SIPA1L3: variants seen among roughly 807,000 people sequenced by gnomAD.
The protein encoded by SIPA1L3 is signal-induced proliferation-associated 1-like protein 3.
Under a neutral mutation model 150.1 loss-of-function variants are expected in SIPA1L3, and 59 were observed. The observed-to-expected ratio is 0.39, with a 90% confidence interval of 0.32 to 0.49. The LOEUF (loss-of-function observed/expected upper bound fraction) is 0.49. Among genes scored for constraint, SIPA1L3 ranks in the 20% least tolerant of loss-of-function variants. The probability of loss-of-function intolerance (pLI) is 0.86; values close to 1 mark genes in which losing one functional copy is unlikely to be tolerated. For missense variants in SIPA1L3, 2,211 were observed against 2,489.5 expected (o/e 0.89, Z 2.38); for synonymous variants, 1,070 against 1,077.6 (o/e 0.99, Z 0.14).
At chr19:38,054,488 C>T (rs1969272897) in intron 2 of SIPA1L3, among the ~76,000 whole-genome samples, 3 of 152,186 alleles carry the variant, frequency 2.0e-5, no homozygotes, top group Non-Finnish European at 4.4e-5. Flanking sequence ...TGCCAGTAAT[C>T]CCAGCTACTC....
rs557695860 is a variant in SIPA1L3, at chr19:38,164,046, G to A, written c.3781-433G>A. ...TGACAGGTCCCGGATCTGTGTTGAGGACGCGGGCAGCAGGGTTTGCTAGTG... is the reference window on the plus strand; with the variant it reads ...TGACAGGTCCCGGATCTGTGTTGAGAACGCGGGCAGCAGGGTTTGCTAGTG... On this transcript the variant is annotated intron_variant, in intron 14 of 21. Transcript: ENST00000222345. This position sits in a 1 kb window ranked among gnomAD's most constrained non-coding sequence, Gnocchi z 4.1. 1.2e-4 allele frequency among the ~76,000 whole-genome samples: 18 copies of A among 152,294 alleles called. No individual in the cohort carries two copies. The highest frequency in any genetic ancestry group is 3.3e-4 in the Admixed American group (5 of 15,298).
chr19:37,932,973 G>A (rs1353690237), intron 1 of SIPA1L3, among the ~76,000 whole-genome samples: 2 of 152,148 alleles, frequency 1.3e-5, no homozygotes, highest in Admixed American at 6.5e-5. Context: ...GGCTGGGGGC[G>A]ATCCCAGCCT....
intron 4 of SIPA1L3, 21 bp downstream of exon 4, chr19:38,088,872 T>G (rs1399161663): frequency 6.2e-7 from 1 of 1,611,108 alleles, no homozygotes; most frequent in Admixed American, 1.7e-5. Flanking sequence ...TCACTCTCGT[T>G]CTTATTAAAG....
At chr19:38,019,129 C>T (rs902331392) in intron 1 of SIPA1L3, among the ~76,000 whole-genome samples, 1 of 152,192 alleles carries the variant, frequency 6.6e-6, no homozygotes, top group Non-Finnish European at 1.5e-5. Flanking sequence ...ACTACCGGCT[C>T]ATTTGAAAAG....
At chr19:38,016,423 T>C (rs1968232236) in intron 1 of SIPA1L3, among the ~76,000 whole-genome samples, 1 of 152,208 alleles carries the variant, frequency 6.6e-6, no homozygotes. Context: ...GTGGTCCATA[T>C]TGGCAGATGA....
intron 15 of SIPA1L3, among the ~76,000 whole-genome samples, chr19:38,176,375 T>G (rs1302675825): frequency 6.7e-6 from 1 of 150,166 alleles, no homozygotes; most frequent in Non-Finnish European, 1.5e-5. Flanking sequence ...TAGGGTTGGT[T>G]TTTTTTTTGT....
intron 2 of SIPA1L3, among the ~76,000 whole-genome samples, chr19:38,044,487 C>T (rs1969004822): frequency 6.6e-6 from 1 of 152,016 alleles, no homozygotes; most frequent in Non-Finnish European, 1.5e-5. Context: ...GTATGGACCC[C>T]TGCAGTGAGG....
intron 5 of SIPA1L3, 81 bp downstream of exon 5, chr19:38,100,231 C>T (rs992658391): frequency 1.9e-5 from 22 of 1,145,502 alleles, no homozygotes; most frequent in Non-Finnish European, 2.6e-5. Context: ...CTATCTTGGT[C>T]ACTTTCTTTT....
chr19:38,136,596 TCC>T (rs1185869366), intron 10 of SIPA1L3, among the ~76,000 whole-genome samples: 2 of 152,162 alleles, frequency 1.3e-5, no homozygotes, highest in East Asian at 1.9e-4. Flanking sequence ...ACAGCAAGAC[TCC>T]GTCTCAAAAA....
intron 1 of SIPA1L3, among the ~76,000 whole-genome samples, chr19:37,929,179 T>TCTGGGGCTGGGGCTGGGG (rs372310928): frequency 6.6e-6 from 1 of 152,104 alleles, no homozygotes; most frequent in African/African-American, 2.4e-5. Flanking sequence ...GGATTGACCC[T>TCTGGGGCTGGGGCTGGGG]CTGGGGCTGG....
At position 38,152,887 on chromosome 19, in the gene SIPA1L3, G is replaced by A; in HGVS notation, c.3581G>A (p.Ser1194Asn). ...HPLLSLDPHF[S>N]HDGTSSGDSS... ...CTGCTATCTCTTGATCCCCACTTCA[G>A]CCACGATGGGACGTCCAGCGGCGAC... is the stretch of plus-strand genomic sequence containing the variant. Residue 1194 changes from serine (S) to asparagine (N), a missense_variant, in exon 13 of 22, where the codon AGC (serine) becomes AAC (asparagine). By Grantham distance (46) the Ser-to-Asn change is conservative. Transcript: ENST00000222345. 1 of 1,613,790 alleles carries A rather than the reference G, an allele frequency of 6.2e-7. No homozygotes were observed. Among genetic ancestry groups the A allele is most frequent in the Non-Finnish European group, 8.5e-7 (1 of 1,179,886 alleles).
intron 2 of SIPA1L3, among the ~76,000 whole-genome samples, chr19:38,029,492 A>C (rs138513586): frequency 6.6e-6 from 1 of 152,234 alleles, no homozygotes; most frequent in Non-Finnish European, 1.5e-5. Context: ...ATCTTTGCTC[A>C]TGAGCATACC....
chr19:37,933,791 G>A (rs2046576532), intron 1 of SIPA1L3, among the ~76,000 whole-genome samples: 1 of 152,228 alleles, frequency 6.6e-6, no homozygotes, highest in South Asian at 2.1e-4. Flanking sequence ...AGGCCTGGTA[G>A]TGACTCATCT....
intron 9 of SIPA1L3, among the ~76,000 whole-genome samples, chr19:38,123,255 TTTTTTTTTGTTTTTTTTG>T (rs1196764022): frequency 6.7e-6 from 1 of 149,232 alleles, no homozygotes; most frequent in East Asian, 2.0e-4. Context: ...GTTTTGGAGT[TTTTTTTTTGTTTTTTTTG>T]TTTTTTTTTT....
At chr19:38,148,233 C>T (rs944099710) in intron 12 of SIPA1L3, among the ~76,000 whole-genome samples, 1 of 151,732 alleles carries the variant, frequency 6.6e-6, no homozygotes, top group Admixed American at 6.6e-5. Flanking sequence ...CGCCTGTAGT[C>T]CCAGCTACTC....
Position 37,918,337 on chromosome 19 carries a change from A to G in SIPA1L3, c.-379+10979A>G, listed in dbSNP as rs61378200. On this transcript the variant is annotated intron_variant, in intron 1 of 21. Coordinates refer to ENST00000222345, the MANE Select transcript of SIPA1L3 (RefSeq NM_015073.3). Reference sequence around the variant, plus strand: ...TGCAGTGGCGCGATCTTGGCTCACTACAACCTCCACCTCCTGTGTTCAAGT... The same window carrying G: ...TGCAGTGGCGCGATCTTGGCTCACTGCAACCTCCACCTCCTGTGTTCAAGT... Among the ~76,000 whole-genome samples, 94 of 151,658 alleles carry G rather than the reference A, an allele frequency of 6.2e-4. 1 individual carries two copies. Among genetic ancestry groups the G allele is most frequent in the African/African-American group, 1.8e-3 (76 of 41,434 alleles).
chr19:38,199,427 C>T (rs1446418618), intron 19 of SIPA1L3, among the ~76,000 whole-genome samples: 1 of 152,224 alleles, frequency 6.6e-6, no homozygotes, highest in Non-Finnish European at 1.5e-5. Flanking sequence ...TAGCCAGAGC[C>T]CCTTACCCAC....
At position 38,201,999 on chromosome 19, in the gene SIPA1L3, T is replaced by C; in HGVS notation, c.5120+2T>C. On this transcript the variant is annotated splice_donor_variant, in intron 20 of 21. Coordinates refer to ENST00000222345, the MANE Select transcript of SIPA1L3 (RefSeq NM_015073.3). LOFTEE classifies it high-confidence loss of function. ...CCCCAGGACCACCCCTACCATGAGG[T>C]GAGGTTTCCCTGGGAACACCCGGGT... The C allele has an allele frequency of 6.2e-7, 1 of 1,605,122 alleles. No individual in the cohort carries two copies. Among genetic ancestry groups the C allele is most frequent in the Non-Finnish European group, 8.5e-7 (1 of 1,176,490 alleles).
chr19:38,083,541 G>T (rs1970056581), intron 3 of SIPA1L3, among the ~76,000 whole-genome samples: 2 of 152,128 alleles, frequency 1.3e-5, no homozygotes, highest in South Asian at 4.2e-4. Flanking sequence ...AAAGAGTACA[G>T]CAGGGAAGAA....
Sources: gnomAD v4.1 joint callset for allele counts (sites outside exome capture counted in the v4.1 genomes callset) on GRCh38, gnomAD v4.1.1 for gene constraint, Gnocchi (gnomAD v3.1) non-coding constraint, MANE v1.5 for transcripts, NCBI Gene and HGNC (gene_info 2026-07-23, HGNC 2026-07-21) for gene names.